The following ADGRE1 variants were observed in gnomAD, a reference collection of about 807,000 sequenced individuals.
The protein encoded by ADGRE1 is EGF-like module receptor 1.
A neutral mutation model predicts 102.7 loss-of-function variants in ADGRE1; 82 were observed. The observed-to-expected ratio is 0.80, with a 90% CI of 0.67 to 0.96. The LOEUF (loss-of-function observed/expected upper bound fraction) is 0.96. Ranked by LOEUF, ADGRE1 falls within the 40% of genes least tolerant of loss-of-function variation. The pLI, the probability that ADGRE1 is intolerant of heterozygous loss-of-function variation, is 0.00. For missense variants in ADGRE1, 1,032 were observed against 1,085.3 expected (o/e 0.95, Z 0.69); for synonymous variants, 398 against 399.6 (o/e 1.00, Z 0.05).
chr19:6,908,824 C>CCCAA, intron 10 of ADGRE1, 52 bp downstream of exon 10: 1 of 1,543,448 alleles, frequency 6.5e-7, no homozygotes, highest in Non-Finnish European at 8.8e-7. Context: ...ATCTTGGGCA[C>CCCAA]ACTTTGGGTG....
intron 20 of ADGRE1, among the ~76,000 whole-genome samples, 153 bp from the exon 21 acceptor site, chr19:6,939,871 A>G (rs1975599239): frequency 6.6e-6 from 1 of 152,204 alleles, no homozygotes; most frequent in African/African-American, 2.4e-5. Flanking sequence ...TGCCTGCCAC[A>G]CTAGGGACAA....
At chr19:6,919,800 G>A (rs777969950) in intron 13 of ADGRE1, 53 bp downstream of exon 13, 2 of 1,554,868 alleles carry the variant, frequency 1.3e-6, no homozygotes, top group South Asian at 1.1e-5. Flanking sequence ...GGAACTCCTC[G>A]TCTCTCGATT....
chr19:6,895,148 A>G (rs545983480), intron 2 of ADGRE1: 1 of 152,354 alleles, frequency 6.6e-6, no homozygotes, highest in African/African-American at 2.4e-5. Context: ...CGTGAGCCTC[A>G]TCCCCGTGGT....
chr19:6,896,315 C>T (rs1346604455), intron 2 of ADGRE1, 83 bp from the exon 3 acceptor site: 5 of 1,422,774 alleles, frequency 3.5e-6, no homozygotes, highest in Non-Finnish European at 4.9e-6. Flanking sequence ...TAACAGTCAC[C>T]TCCACCCTTG....
At chr19:6,936,230 A>G (rs1975394970) in intron 18 of ADGRE1, among the ~76,000 whole-genome samples, 1 of 152,064 alleles carries the variant, frequency 6.6e-6, no homozygotes, top group Non-Finnish European at 1.5e-5. Flanking sequence ...AGGTCAGGAG[A>G]TCGAGATCAT....
intron 5 of ADGRE1, 124 bp from the exon 6 acceptor site, chr19:6,901,751 T>A: frequency 1.0e-6 from 1 of 979,668 alleles, no homozygotes; most frequent in Non-Finnish European, 1.5e-6. Flanking sequence ...GGGGGGAACA[T>A]GGATATTGGG....
At chr19:6,939,134 G>A (rs997426289) in intron 20 of ADGRE1, among the ~76,000 whole-genome samples, 2 of 152,004 alleles carry the variant, frequency 1.3e-5, no homozygotes, top group African/African-American at 4.8e-5. Context: ...TGTCATAGAG[G>A]TTAAGTCCAG....
chr19:6,929,744 C>A (rs1352064485), intron 17 of ADGRE1, among the ~76,000 whole-genome samples: 1 of 152,170 alleles, frequency 6.6e-6, no homozygotes, highest in East Asian at 1.9e-4. Context: ...TGGTCTCAAA[C>A]TCCTGACCTC....
chr19:6,911,132 G>T (rs1182718211), intron 10 of ADGRE1, among the ~76,000 whole-genome samples: 1 of 152,246 alleles, frequency 6.6e-6, no homozygotes, highest in African/African-American at 2.4e-5. Context: ...TGTCAGTGGG[G>T]AGGGGAGTCC....
Position 6,933,850 on chromosome 19 carries a change from G to A in ADGRE1, c.2290-1137G>A, listed in dbSNP as rs34538871. On this transcript the variant is annotated intron_variant, in intron 17 of 20. Transcript: ENST00000312053. The stretch of plus-strand genomic sequence containing the variant: ...CTCTGACCCAAATGTCAGTATTGCC[G>A]TGGGTGAACAGGCCCTGCGCCAGGT... 5.5e-3 allele frequency among the ~76,000 whole-genome samples: 834 copies of A among 152,256 alleles called. 3 individuals are homozygous for A. Among genetic ancestry groups the A allele is most frequent in the Non-Finnish European group, 9.2e-3 (627 of 68,016 alleles).
At chr19:6,922,389 G>A (rs1164273022) in intron 14 of ADGRE1, among the ~76,000 whole-genome samples, 2 of 152,094 alleles carry the variant, frequency 1.3e-5, no homozygotes, top group East Asian at 3.9e-4. Context: ...GCTGAGGCGG[G>A]CGGATCATGA....
At chr19:6,931,019 T>C (rs913340408) in intron 17 of ADGRE1, among the ~76,000 whole-genome samples, 1 of 152,020 alleles carries the variant, frequency 6.6e-6, no homozygotes. Context: ...CTAGATCTTA[T>C]TCATTCTTTC....
At chr19:6,930,799 A>G (rs8111673) in intron 17 of ADGRE1, among the ~76,000 whole-genome samples, 82,332 of 151,612 alleles carry the variant, frequency 0.54, 24,746 homozygotes, top group African/African-American at 0.81. Context: ...CACCACGCCC[A>G]GCTAATTTTT....
At chr19:6,936,575 G>A (rs971495523) in intron 18 of ADGRE1, among the ~76,000 whole-genome samples, 18 of 147,712 alleles carry the variant, frequency 1.2e-4, no homozygotes, top group Admixed American at 7.4e-4. Context: ...GTGGCTTTTC[G>A]TACATTCACA....
intron 2 of ADGRE1, among the ~76,000 whole-genome samples, chr19:6,892,184 G>A (rs1247557573): frequency 6.6e-6 from 1 of 152,120 alleles, no homozygotes; most frequent in East Asian, 1.9e-4. Context: ...CTGGAAATGA[G>A]AAGAGAGATA....
chr19:6,893,232 T>C lies in ADGRE1; in HGVS notation c.94+2689T>C, dbSNP rs565843800. On this transcript the variant is annotated intron_variant, in intron 2 of 20. Transcript: ENST00000312053. ...ATTTTTTTGAGACGGAGTTTTGCTC[T>C]TGTTGCCCAGGCTGGAGTGCAATGG... 6.6e-5 allele frequency among the ~76,000 whole-genome samples: 10 copies of C among 152,276 alleles called. No individual in the cohort carries two copies. In the East Asian group the frequency reaches 1.5e-3, roughly 24 times the overall value.
In ADGRE1 at chr19:6,913,635, A is replaced by G; in HGVS notation, c.1123-18A>G. 1 of 1,557,698 alleles carries G rather than the reference A, an allele frequency of 6.4e-7. No homozygotes were observed. On this transcript the variant is annotated intron_variant, in intron 10 of 20. Transcript: ENST00000312053. ...TGAGAGAGAGAGAGAGAATGAACAA[A>G]CACATCTTTCCTTGCAGAATACAAC...
intron 16 of ADGRE1, 87 bp from the exon 17 acceptor site, chr19:6,928,058 C>T (rs1974992076): frequency 6.8e-7 from 1 of 1,480,196 alleles, no homozygotes; most frequent in Non-Finnish European, 9.1e-7. Context: ...CCAGTGTTCT[C>T]CTCCACTAGG....
chr19:6,921,591 A>G, intron 13 of ADGRE1, 122 bp from the exon 14 acceptor site: 1 of 1,154,230 alleles, frequency 8.7e-7, no homozygotes, highest in Non-Finnish European at 1.2e-6. Context: ...ATTTTTCCCC[A>G]TTCCCTCAGA....
Sources: gnomAD v4.1 joint callset for allele counts (sites outside exome capture counted in the v4.1 genomes callset) on GRCh38, gnomAD v4.1.1 for gene constraint, MANE v1.5 for transcripts, NCBI Gene and HGNC (gene_info 2026-07-23, HGNC 2026-07-21) for gene names.